The following ACVR2B variants were observed in gnomAD, a reference collection of about 807,000 sequenced individuals.
The protein encoded by ACVR2B is activin receptor type-2B.
Under a neutral mutation model 65.1 loss-of-function variants are expected in ACVR2B, and 18 were observed. The ratio of observed to expected loss-of-function variants is 0.28; its 90% CI spans 0.19 to 0.41. ACVR2B has a LOEUF of 0.41. Among genes scored for constraint, ACVR2B ranks in the 10% least tolerant of loss-of-function variants. The probability of loss-of-function intolerance (pLI) is 1.00; values close to 1 mark genes in which losing one functional copy is unlikely to be tolerated. For synonymous variants in ACVR2B, 298 were observed against 277.7 expected, an observed-to-expected ratio of 1.07 and a Z score of -0.73; for missense variants, 482 against 682.7, an observed-to-expected ratio of 0.71 and a Z score of 3.28.
Position 38,481,627 on chromosome 3 carries a change from A to G in ACVR2B, c.1074+162A>G, listed in dbSNP as rs1710019279. On this transcript the variant is annotated intron_variant, in intron 8 of 10. Transcript: ENST00000352511. This position sits in a 1 kb window ranked among gnomAD's most constrained non-coding sequence, Gnocchi z 4.7. ...TCTTGTTTGACCAGTGGAGAAACCA[A>G]GACCAGGAAGGCAGTGTAGTTTAGC... 6.6e-6 allele frequency among the ~76,000 whole-genome samples: 1 copy of G among 152,234 alleles called. No individual in the cohort carries two copies. The highest frequency in any genetic ancestry group is 2.1e-4 in the South Asian group (1 of 4,834).
intron 1 of ACVR2B, among the ~76,000 whole-genome samples, chr3:38,464,313 G>T (rs1262662926): frequency 1.3e-5 from 2 of 152,224 alleles, no homozygotes; most frequent in Non-Finnish European, 2.9e-5. Flanking sequence ...ACACTGGTGG[G>T]CTTAATTTCC....
Position 38,487,770 on chromosome 3 carries a change from A to G in ACVR2B, c.*4438A>G, listed in dbSNP as rs925233684. 6.6e-6 allele frequency: 1 copy of G among 152,248 alleles called. No homozygotes were observed. The highest frequency in any genetic ancestry group is 1.5e-5 in the Non-Finnish European group (1 of 68,046). 9.4% of individuals were successfully genotyped at this position (152,248 alleles called of 1,614,324 possible). A position where few individuals can be genotyped will look rare whatever the true frequency, so the allele number is the denominator to read the frequency against. ...TTAAAATAATACAGTAAGCATAAGTATGTAAGTTTTTAGAATTGGTACTAG... is the reference window on the plus strand; with the variant it reads ...TTAAAATAATACAGTAAGCATAAGTGTGTAAGTTTTTAGAATTGGTACTAG... On this transcript the variant is annotated 3_prime_UTR_variant, in exon 11 of 11. Coordinates refer to ENST00000352511, the MANE Select transcript of ACVR2B (RefSeq NM_001106.4).
chr3:38,460,600 C>G (rs1254868131), intron 1 of ACVR2B, among the ~76,000 whole-genome samples: 1 of 152,184 alleles, frequency 6.6e-6, no homozygotes, highest in Admixed American at 6.5e-5. Context: ...CAGATTCTTT[C>G]TGGGACTGGC....
At position 38,470,155 on chromosome 3, in the gene ACVR2B, G is replaced by A. The variant is rs1194041890; in HGVS notation, c.53-7132G>A. On this transcript the variant is annotated intron_variant, in intron 1 of 10. Coordinates refer to ENST00000352511, the MANE Select transcript of ACVR2B (RefSeq NM_001106.4). ...TTATAATAGGAATTTCAGAATCATAGAATTTGGAGATGCAATATTCAAGTT... is the reference window on the plus strand; with the variant it reads ...TTATAATAGGAATTTCAGAATCATAAAATTTGGAGATGCAATATTCAAGTT... Among the ~76,000 whole-genome samples the A allele has an allele frequency of 3.9e-5, 6 of 152,238 alleles. No individual in the cohort carries two copies. The South Asian group carries it at 6.2e-4, about 16-fold the overall frequency.
chr3:38,475,320 C>G (rs557009772), intron 1 of ACVR2B: 1 of 152,348 alleles, frequency 6.6e-6, no homozygotes, highest in Admixed American at 6.5e-5. Context: ...CTCTGTGGAC[C>G]CTGAGGCCCT....
chr3:38,458,703 G>C (rs999388185), intron 1 of ACVR2B, among the ~76,000 whole-genome samples: 1 of 152,112 alleles, frequency 6.6e-6, no homozygotes, highest in Non-Finnish European at 1.5e-5. Context: ...ATCCACTCAC[G>C]GATACTGACC....
At position 38,454,161 on chromosome 3, in the gene ACVR2B, C is replaced by T. The variant is rs1189191607; in HGVS notation, c.-162C>T. 2.4e-6 allele frequency: 1 copy of T among 408,482 alleles called. No homozygotes were observed. Among genetic ancestry groups the T allele is most frequent in the Non-Finnish European group, 3.5e-6 (1 of 284,468 alleles). The allele number at this position is 408,482 out of a possible 1,614,324, so 25.3% of individuals were successfully genotyped here. On this transcript the variant is annotated 5_prime_UTR_variant, in exon 1 of 11. Transcript: ENST00000352511. The stretch of plus-strand genomic sequence containing the variant: ...GCCCCGCCGACCGGCCCTTGGAGCC[C>T]GAACGCTGCTCGGGGACGAAGGCGC...
In ACVR2B at chr3:38,484,709, C is replaced by T. The variant is rs1342796626; in HGVS notation, c.*1377C>T. On this transcript the variant is annotated 3_prime_UTR_variant, in exon 11 of 11. Coordinates refer to ENST00000352511, the MANE Select transcript of ACVR2B (RefSeq NM_001106.4). ...CACATCCACATATACACATGCTTCGCTATGTGGCTTCCAAGGTTTAAATTT... is the reference window on the plus strand; with the variant it reads ...CACATCCACATATACACATGCTTCGTTATGTGGCTTCCAAGGTTTAAATTT... The T allele has an allele frequency of 6.6e-6, 1 of 152,518 alleles. No individual in the cohort carries two copies. Among genetic ancestry groups the T allele is most frequent in the African/African-American group, 2.4e-5 (1 of 41,402 alleles). 9.4% of individuals were successfully genotyped at this position (152,518 alleles called of 1,614,324 possible).
Position 38,477,257 on chromosome 3 carries a change from C to T in ACVR2B, c.53-30C>T. ...TTTGGGTGGTGGTCCCAGGGGCATG[C>T]TCAGTGGTTCTCTTTTCTCTGGGGC... is the stretch of plus-strand genomic sequence containing the variant. On this transcript the variant is annotated intron_variant, in intron 1 of 10. Coordinates refer to ENST00000352511, the MANE Select transcript of ACVR2B (RefSeq NM_001106.4). This position sits in a 1 kb window ranked among gnomAD's most constrained non-coding sequence, Gnocchi z 6.7. 6.2e-7 allele frequency: 1 copy of T among 1,612,468 alleles called. No individual in the cohort carries two copies. Among genetic ancestry groups the T allele is most frequent in the Non-Finnish European group, 8.5e-7 (1 of 1,179,032 alleles).
chr3:38,472,510 A>G (rs1014904659), intron 1 of ACVR2B, among the ~76,000 whole-genome samples: 7 of 151,990 alleles, frequency 4.6e-5, no homozygotes, highest in African/African-American at 1.7e-4. Flanking sequence ...AAGCAGACCT[A>G]GATAGATGTA....
At chr3:38,456,184 C>T (rs966506661) in intron 1 of ACVR2B, among the ~76,000 whole-genome samples, 1 of 152,208 alleles carries the variant, frequency 6.6e-6, no homozygotes, top group African/African-American at 2.4e-5. Flanking sequence ...ACCTGTATTC[C>T]TGCCCTGGGA....
At chr3:38,470,817 A>G (rs985608829) in intron 1 of ACVR2B, among the ~76,000 whole-genome samples, 5 of 152,240 alleles carry the variant, frequency 3.3e-5, no homozygotes, top group African/African-American at 4.8e-5. Context: ...TTATAGGCCT[A>G]GCTTACAACG....
Position 38,463,355 on chromosome 3 carries a change from T to G in ACVR2B, c.52+8981T>G, listed in dbSNP as rs2268756. 0.015 allele frequency among the ~76,000 whole-genome samples: 2,229 copies of G among 152,326 alleles called. 110 individuals are homozygous for G. In the East Asian group the frequency reaches 0.16, roughly 11 times the overall value. ...AAATCTGAGTGTGACAAATTCTGAT[T>G]TCATATGTCGTGATAATGACGTTGG... On this transcript the variant is annotated intron_variant, in intron 1 of 10. Transcript: ENST00000352511.
In ACVR2B at chr3:38,481,827, T is replaced by C. The variant is rs1389075135; in HGVS notation, c.1074+362T>C. Reference sequence around the variant, plus strand: ...GGAAAAAGTAACTAAAAATTAAACTTAGGAAATCATTCCTAAAACAATCAC... The same window carrying C: ...GGAAAAAGTAACTAAAAATTAAACTCAGGAAATCATTCCTAAAACAATCAC... On this transcript the variant is annotated intron_variant, in intron 8 of 10. Transcript: ENST00000352511. The surrounding 1 kb of genome is among the most constrained non-coding windows in gnomAD (Gnocchi z 4.7). Among the ~76,000 whole-genome samples the C allele has an allele frequency of 6.6e-6, 1 of 152,216 alleles. No individual in the cohort carries two copies. The highest frequency in any genetic ancestry group is 1.5e-5 in the Non-Finnish European group (1 of 68,034).
At position 38,489,664 on chromosome 3, in the gene ACVR2B, C is replaced by G. The variant is rs1344934497; in HGVS notation, c.*6332C>G. On this transcript the variant is annotated 3_prime_UTR_variant, in exon 11 of 11. Transcript: ENST00000352511. ...CAAAAATTAGTTTGTAAGCCTTTGC[C>G]ATAGGACATAGTCATGTGAGAGTGT... 1 of 152,530 alleles carries G rather than the reference C, an allele frequency of 6.6e-6. No homozygotes were observed. The highest frequency in any genetic ancestry group is 1.9e-4 in the East Asian group (1 of 5,204). The allele number at this position is 152,530 out of a possible 1,614,324, so 9.4% of individuals were successfully genotyped here.
Position 38,488,387 on chromosome 3 carries a change from A to C in ACVR2B, c.*5055A>C, listed in dbSNP as rs1710157535. On this transcript the variant is annotated 3_prime_UTR_variant, in exon 11 of 11. Coordinates refer to ENST00000352511, the MANE Select transcript of ACVR2B (RefSeq NM_001106.4). ...TTTAGAAGATTGGAAAAGATTTTTG[A>C]AATAATGATTTAGTTTTGTAGGAAA... 1 of 152,226 alleles carries C rather than the reference A, an allele frequency of 6.6e-6. No individual in the cohort carries two copies. Among genetic ancestry groups the C allele is most frequent in the Non-Finnish European group, 1.5e-5 (1 of 68,030 alleles). The allele number at this position is 152,226 out of a possible 1,614,324, so 9.4% of individuals were successfully genotyped here.
Position 38,479,222 on chromosome 3 carries a change from G to A in ACVR2B, c.761G>A (p.Gly254Asp). Residue 254 changes from glycine (G) to aspartate (D), a missense_variant, in exon 6 of 11, where the codon GGC becomes GAC. Physicochemically the swap from Gly to Asp is moderately conservative, Grantham distance 94. This residue lies in a region of ACVR2B where 223 missense variants were observed against 386.3 expected (regional missense o/e 0.58). Coordinates refer to ENST00000352511, the MANE Select transcript of ACVR2B (RefSeq NM_001106.4). ...LLQFIAAEKR[G>D]SNLEVELWLI... ...CAGTTCATTGCTGCCGAGAAGCGAG[G>A]CTCCAACCTCGAAGTAGAGCTGTGG... 6.2e-7 allele frequency: 1 copy of A among 1,614,168 alleles called. No homozygotes were observed. Among genetic ancestry groups the A allele is most frequent in the Non-Finnish European group, 8.5e-7 (1 of 1,180,020 alleles).
intron 1 of ACVR2B, among the ~76,000 whole-genome samples, chr3:38,468,438 T>C (rs953187639): frequency 2.0e-5 from 3 of 152,202 alleles, no homozygotes; most frequent in African/African-American, 7.2e-5. Context: ...TGTTTCAGTG[T>C]GATACCTGTG....
chr3:38,454,557 G>A, intron 1 of ACVR2B, 183 bp downstream of exon 1: 2 of 440,878 alleles, frequency 4.5e-6, no homozygotes, highest in Admixed American at 4.7e-5. Context: ...GAACTTGGGG[G>A]CACGATCTTG....
Sources: allele counts gnomAD v4.1 joint callset (sites outside exome capture counted in the v4.1 genomes callset), GRCh38; gene constraint gnomAD v4.1.1; regional missense constraint gnomAD v4.1.1; non-coding constraint Gnocchi (gnomAD v3.1); transcripts MANE v1.5; gene names NCBI Gene and HGNC (gene_info 2026-07-23, HGNC 2026-07-21).